Variants in WWTR1 observed in about 807,000 individuals in gnomAD.
WWTR1 encodes the protein WW domain containing transcription regulator 1, also known as WW domain-containing transcription regulator protein 1.
Under a neutral mutation model 40.1 loss-of-function variants are expected in WWTR1, and 13 were observed. That is an observed-to-expected ratio of 0.32 (90% CI 0.21 to 0.52). The LOEUF (loss-of-function observed/expected upper bound fraction) is 0.52. Ranked by LOEUF, WWTR1 falls within the 20% of genes least tolerant of loss-of-function variation. The probability of loss-of-function intolerance (pLI) is 0.97; values close to 1 mark genes in which losing one functional copy is unlikely to be tolerated. For synonymous variants in WWTR1, 230 were observed against 210.1 expected (o/e 1.09, Z -0.82); for missense variants, 436 against 523.1 (o/e 0.83, Z 1.63).
chr3:149,710,666 G>T (rs1291973301), intron 5 of WWTR1, among the ~76,000 whole-genome samples: 1 of 129,008 alleles, frequency 7.8e-6, no homozygotes, highest in Non-Finnish European at 1.5e-5. Context: ...TACAACCTCC[G>T]CCTCCCAGGT....
At chr3:149,573,105 C>G in intron 2 of WWTR1, 105 bp from the exon 3 acceptor site, 1 of 1,226,316 alleles carries the variant, frequency 8.2e-7, no homozygotes, top group South Asian at 1.5e-5. Context: ...CCCTTAGGAT[C>G]TGCTTGAGTG....
At chr3:149,610,093 G>A (rs183750218) in intron 2 of WWTR1, among the ~76,000 whole-genome samples, 3 of 152,216 alleles carry the variant, frequency 2.0e-5, no homozygotes, top group Non-Finnish European at 2.9e-5. Flanking sequence ...TTTCTGGAAC[G>A]GAAAGCATTT....
At chr3:149,572,093 T>G (rs1441223847) in intron 3 of WWTR1, among the ~76,000 whole-genome samples, 1 of 152,124 alleles carries the variant, frequency 6.6e-6, no homozygotes, top group African/African-American at 2.4e-5. Flanking sequence ...CTGCAGGTTA[T>G]GTAATGGTTA....
At chr3:149,690,596 T>C (rs1714792129) in intron 1 of WWTR1, among the ~76,000 whole-genome samples, 1 of 152,108 alleles carries the variant, frequency 6.6e-6, no homozygotes, top group Non-Finnish European at 1.5e-5. Flanking sequence ...CACTCAACAA[T>C]GGAGCATCCA....
intron 4 of WWTR1, among the ~76,000 whole-genome samples, chr3:149,532,587 G>T (rs1248342333): frequency 1.3e-5 from 2 of 151,934 alleles, no homozygotes; most frequent in Non-Finnish European, 2.9e-5. Context: ...TTTTTTGAAT[G>T]AAAATACTTC....
At chr3:149,593,769 CATT>C (rs1171594502) in intron 2 of WWTR1, among the ~76,000 whole-genome samples, 2 of 152,148 alleles carry the variant, frequency 1.3e-5, no homozygotes, top group African/African-American at 4.8e-5. Context: ...TTATGTAAAA[CATT>C]GTTGTGGGAA....
chr3:149,622,946 A>G (rs1211380893), intron 2 of WWTR1, among the ~76,000 whole-genome samples: 1 of 152,202 alleles, frequency 6.6e-6, no homozygotes, highest in Non-Finnish European at 1.5e-5. Flanking sequence ...GTCTGAGTTT[A>G]TCATTATTCT....
intron 2 of WWTR1, among the ~76,000 whole-genome samples, chr3:149,631,572 T>C (rs1292331781): frequency 6.6e-6 from 1 of 152,198 alleles, no homozygotes; most frequent in Admixed American, 6.5e-5. Flanking sequence ...CCCTCTGGCA[T>C]AACTACTTTC....
intron 2 of WWTR1, among the ~76,000 whole-genome samples, chr3:149,589,215 C>A (rs1738585298): frequency 6.6e-6 from 1 of 152,174 alleles, no homozygotes; most frequent in Non-Finnish European, 1.5e-5. Context: ...TTGCTGTCAT[C>A]TGCCTAATCC....
intron 1 of WWTR1, among the ~76,000 whole-genome samples, chr3:149,694,559 G>A (rs1029326291): frequency 2.0e-5 from 3 of 152,164 alleles, no homozygotes; most frequent in African/African-American, 7.2e-5. Flanking sequence ...ATGGCAAGCA[G>A]GTGCCTGAAA....
chr3:149,554,212 T>C (rs1206189302), intron 3 of WWTR1, among the ~76,000 whole-genome samples: 1 of 152,202 alleles, frequency 6.6e-6, no homozygotes, highest in East Asian at 1.9e-4. Flanking sequence ...CCGGCTCAGT[T>C]GATAAGGCAC....
upstream of WWTR1, among the ~76,000 whole-genome samples, chr3:149,706,184 CAG>C: frequency 6.6e-6 from 1 of 151,820 alleles, no homozygotes; most frequent in Non-Finnish European, 1.5e-5. Context: ...GCCTGGGTGA[CAG>C]AGAGAGACTC....
chr3:149,680,668 TA>T (rs35951677), intron 1 of WWTR1, among the ~76,000 whole-genome samples: 45,086 of 146,296 alleles, frequency 0.31, 6,989 homozygotes, highest in Admixed American at 0.39. Context: ...ACACCATTTC[TA>T]AAAAAAAAAA....
intron 2 of WWTR1, among the ~76,000 whole-genome samples, chr3:149,585,960 T>G (rs753690529): frequency 2.0e-5 from 3 of 152,220 alleles, no homozygotes; most frequent in Admixed American, 2.0e-4. Context: ...GCCTAAAAAA[T>G]GCTGTTGTTT....
At chr3:149,622,535 AAG>A (rs1320967942) in intron 2 of WWTR1, among the ~76,000 whole-genome samples, 1 of 150,910 alleles carries the variant, frequency 6.6e-6, no homozygotes, top group Non-Finnish European at 1.5e-5. Flanking sequence ...GAAAGAAAGA[AAG>A]AAAGAAAAAG....
chr3:149,659,622 A>T (rs1411094445), upstream of WWTR1: 3 of 152,178 alleles, frequency 2.0e-5, no homozygotes, highest in Non-Finnish European at 2.9e-5. Flanking sequence ...GGCATGAGCC[A>T]CCGCGCCCAG....
intron 3 of WWTR1, among the ~76,000 whole-genome samples, chr3:149,555,791 G>A (rs1246306825): frequency 6.6e-6 from 1 of 152,122 alleles, no homozygotes; most frequent in Non-Finnish European, 1.5e-5. Context: ...ATACAATGAT[G>A]AACAAGACAG....
At chr3:149,553,377 G>A (rs370983181) in intron 3 of WWTR1, among the ~76,000 whole-genome samples, 1 of 152,080 alleles carries the variant, frequency 6.6e-6, no homozygotes, top group Non-Finnish European at 1.5e-5. Context: ...CCTATTTCAT[G>A]AAAAAGTCTA....
At chr3:149,683,985 A>G (rs1714546409) in intron 1 of WWTR1, among the ~76,000 whole-genome samples, 1 of 152,182 alleles carries the variant, frequency 6.6e-6, no homozygotes. Flanking sequence ...CACTCCAGTT[A>G]TTCATTGTTG....
Sources: allele counts gnomAD v4.1 joint callset (sites outside exome capture counted in the v4.1 genomes callset), GRCh38; gene constraint gnomAD v4.1.1; transcripts MANE v1.5; gene names NCBI Gene and HGNC (gene_info 2026-07-23, HGNC 2026-07-21).